The following KIRREL3 variants were observed in gnomAD, a reference collection of about 807,000 sequenced individuals.
The protein encoded by KIRREL3 is kin of IRRE-like protein 3.
A neutral mutation model predicts 89.7 loss-of-function variants in KIRREL3; 36 were observed. The observed-to-expected ratio is 0.40, with a 90% CI of 0.31 to 0.53. The LOEUF is 0.53. Among genes scored for constraint, KIRREL3 ranks in the 20% least tolerant of loss-of-function variants. The probability of loss-of-function intolerance (pLI) is 0.49; values close to 1 mark genes in which losing one functional copy is unlikely to be tolerated. For missense variants in KIRREL3, 864 were observed against 1,056.6 expected (o/e 0.82, Z 2.53); for synonymous variants, 445 against 441.4 (o/e 1.01, Z -0.10).
At position 126,443,541 on chromosome 11, in the gene KIRREL3, G is replaced by T. The variant is rs546854998; in HGVS notation, c.1252+1438C>A. The stretch of plus-strand genomic sequence containing the variant: ...GTGGCTGTGAACGTGCTGGGGTCTG[G>T]GTAGACTCAGCCTCCCTTGGGGGCT... On this transcript the variant is annotated intron_variant, in intron 10 of 16. Transcript: ENST00000525144. The surrounding 1 kb of genome is among the most constrained non-coding windows in gnomAD (Gnocchi z 7.3). Among the ~76,000 whole-genome samples, 1 of 152,012 alleles carries T rather than the reference G, an allele frequency of 6.6e-6. No homozygotes were observed. The highest frequency in any genetic ancestry group is 2.1e-4 in the South Asian group (1 of 4,810).
intron 1 of KIRREL3, among the ~76,000 whole-genome samples, chr11:126,849,254 A>G (rs1944254419): frequency 7.3e-6 from 1 of 137,282 alleles, no homozygotes; most frequent in South Asian, 2.8e-4. Flanking sequence ...TACGAATGCC[A>G]CGGCAATGTC....
chr11:126,478,040 A>T (rs1317046662), intron 4 of KIRREL3, among the ~76,000 whole-genome samples: 1 of 152,238 alleles, frequency 6.6e-6, no homozygotes, highest in Non-Finnish European at 1.5e-5. Context: ...AAGCACCAGC[A>T]CTTACGGCCC....
At position 126,903,453 on chromosome 11, in the gene KIRREL3, T is replaced by C. The variant is rs1332335957; in HGVS notation, c.55+97002A>G. Among the ~76,000 whole-genome samples the C allele has an allele frequency of 6.6e-6, 1 of 152,222 alleles. No homozygotes were observed. The highest frequency in any genetic ancestry group is 1.5e-5 in the Non-Finnish European group (1 of 68,036). ...TGAGGAATTGAATAATTGAGGTTGC[T>C]AATGAATTTGAAAACTCAGCAAAGC... On this transcript the variant is annotated intron_variant, in intron 1 of 16. Transcript: ENST00000525144. The surrounding 1 kb of genome is among the most constrained non-coding windows in gnomAD (Gnocchi z 4.5).
rs1942664686 is a variant in KIRREL3 at position 126,601,728 on chromosome 11, AC to A, written c.56-38817del. On this transcript the variant is annotated intron_variant, in intron 1 of 16. Transcript: ENST00000525144. The surrounding 1 kb of genome is among the most constrained non-coding windows in gnomAD (Gnocchi z 5.8). ...ATGCATCCTGCGGTGCCATTCGCCC[AC>A]CCCGCCTACATTCCTGGACGCCTAT... is the stretch of plus-strand genomic sequence containing the variant. Among the ~76,000 whole-genome samples, 1 of 151,306 alleles carries A rather than the reference AC, an allele frequency of 6.6e-6. No individual in the cohort carries two copies. Among genetic ancestry groups the A allele is most frequent in the Admixed American group, 6.6e-5 (1 of 15,216 alleles).
intron 1 of KIRREL3, among the ~76,000 whole-genome samples, chr11:126,648,182 G>A (rs1944766692): frequency 6.6e-6 from 1 of 152,146 alleles, no homozygotes; most frequent in African/African-American, 2.4e-5. Context: ...CTTCCACCAT[G>A]ATTGTAAGTT....
rs1957662061 is a variant in KIRREL3, at chr11:126,496,586, C to A, written c.434-23120G>T. On this transcript the variant is annotated intron_variant, in intron 4 of 16. Coordinates refer to ENST00000525144, the MANE Select transcript of KIRREL3 (RefSeq NM_032531.4). This position sits in a 1 kb window ranked among gnomAD's most constrained non-coding sequence, Gnocchi z 4.9. ...GTGATGGAGGCAAAGGGAAGGAAGACCACATCCACAGGGTCTTGGGAGGTG... is the reference window on the plus strand; with the variant it reads ...GTGATGGAGGCAAAGGGAAGGAAGAACACATCCACAGGGTCTTGGGAGGTG... Among the ~76,000 whole-genome samples, 1 of 151,986 alleles carries A rather than the reference C, an allele frequency of 6.6e-6. No individual in the cohort carries two copies. Among genetic ancestry groups the A allele is most frequent in the African/African-American group, 2.4e-5 (1 of 41,364 alleles).
Position 126,552,516 on chromosome 11 carries a change from C to T in KIRREL3, c.133+10319G>A, listed in dbSNP as rs141374662. Among the ~76,000 whole-genome samples, 22 of 145,740 alleles carry T rather than the reference C, an allele frequency of 1.5e-4. No individual in the cohort carries two copies. In the East Asian group the frequency reaches 3.1e-3, roughly 21 times the overall value. ...GCACTTGTAGTTGCAGCCCTGGTCC[C>T]GGGATCACTGCATCACACAGGGGAG... On this transcript the variant is annotated intron_variant, in intron 2 of 16. Coordinates refer to ENST00000525144, the MANE Select transcript of KIRREL3 (RefSeq NM_032531.4).
chr11:126,836,173 TGTGA>T (rs1326828900), intron 1 of KIRREL3, among the ~76,000 whole-genome samples: 1 of 152,244 alleles, frequency 6.6e-6, no homozygotes, highest in Non-Finnish European at 1.5e-5. Flanking sequence ...CAGTCAGTTC[TGTGA>T]GTACTTCTCA....
rs1437509371 is a variant in KIRREL3, at chr11:126,614,579, T to G, written c.56-51667A>C. Among the ~76,000 whole-genome samples, 2 of 152,200 alleles carry G rather than the reference T, an allele frequency of 1.3e-5. No individual in the cohort carries two copies. Among genetic ancestry groups the G allele is most frequent in the Admixed American group, 1.3e-4 (2 of 15,284 alleles). On this transcript the variant is annotated intron_variant, in intron 1 of 16. Transcript: ENST00000525144. The surrounding 1 kb of genome is among the most constrained non-coding windows in gnomAD (Gnocchi z 4.6). The stretch of plus-strand genomic sequence containing the variant: ...CTACTAAACACTGCCCAGGTGGTTC[T>G]ATCATCAAGCCAGAGATGAGGACCC...
Position 126,664,111 on chromosome 11 carries a change from A to C in KIRREL3, c.56-101199T>G, listed in dbSNP as rs1945543610. Among the ~76,000 whole-genome samples the C allele has an allele frequency of 1.3e-5, 2 of 152,236 alleles. No individual in the cohort carries two copies. The highest frequency in any genetic ancestry group is 2.4e-5 in the African/African-American group (1 of 41,464). Reference sequence around the variant, plus strand: ...TAATAGAGGCTTAGCTTTTCATTAAAATTTCCATTAATACTGGAGCTGTTT... The same window carrying C: ...TAATAGAGGCTTAGCTTTTCATTAACATTTCCATTAATACTGGAGCTGTTT... On this transcript the variant is annotated intron_variant, in intron 1 of 16. Coordinates refer to ENST00000525144, the MANE Select transcript of KIRREL3 (RefSeq NM_032531.4). This position sits in a 1 kb window ranked among gnomAD's most constrained non-coding sequence, Gnocchi z 5.4.
intron 1 of KIRREL3, among the ~76,000 whole-genome samples, chr11:126,584,375 C>G (rs1941714552): frequency 6.6e-6 from 1 of 152,218 alleles, no homozygotes; most frequent in Non-Finnish European, 1.5e-5. Flanking sequence ...ACTCTTCTGC[C>G]TACTCCTGGA....
chr11:126,582,825 A>G (rs12418378), intron 1 of KIRREL3, among the ~76,000 whole-genome samples: 2 of 134,544 alleles, frequency 1.5e-5, no homozygotes, highest in African/African-American at 5.6e-5. Context: ...AAGAAGTACT[A>G]AAGAAGTATT....
intron 1 of KIRREL3, among the ~76,000 whole-genome samples, chr11:126,577,622 C>T (rs931545198): frequency 3.5e-5 from 5 of 144,224 alleles, no homozygotes; most frequent in African/African-American, 7.7e-5. Flanking sequence ...ATTAGCGGGG[C>T]GTGGTGGCAG....
At position 126,953,710 on chromosome 11, in the gene KIRREL3, A is replaced by G. The variant is rs951800914; in HGVS notation, c.55+46745T>C. Reference sequence around the variant, plus strand: ...TCAAATCGTTCTCCAATTTTTTGCAAAAGAGTAATTCTGACACATTTAAAC... The same window carrying G: ...TCAAATCGTTCTCCAATTTTTTGCAGAAGAGTAATTCTGACACATTTAAAC... On this transcript the variant is annotated intron_variant, in intron 1 of 16. Transcript: ENST00000525144. This position sits in a 1 kb window ranked among gnomAD's most constrained non-coding sequence, Gnocchi z 5.2. Among the ~76,000 whole-genome samples, 1 of 152,164 alleles carries G rather than the reference A, an allele frequency of 6.6e-6. No homozygotes were observed. Among genetic ancestry groups the G allele is most frequent in the Non-Finnish European group, 1.5e-5 (1 of 68,034 alleles).
intron 5 of KIRREL3, among the ~76,000 whole-genome samples, chr11:126,465,946 G>A (rs1956709811): frequency 6.6e-6 from 1 of 152,182 alleles, no homozygotes; most frequent in African/African-American, 2.4e-5. Context: ...CGGGGAGGTG[G>A]TGAGGAGCAG....
intron 1 of KIRREL3, among the ~76,000 whole-genome samples, chr11:126,825,334 A>G (rs1943369506): frequency 6.6e-6 from 1 of 152,238 alleles, no homozygotes; most frequent in South Asian, 2.1e-4. Context: ...TATGAATATA[A>G]AACAAAATAC....
intron 1 of KIRREL3, among the ~76,000 whole-genome samples, chr11:126,832,129 A>C (rs1404827963): frequency 1.3e-5 from 2 of 152,178 alleles, no homozygotes; most frequent in East Asian, 3.9e-4. Flanking sequence ...CCCAGATTCC[A>C]CAACAAGAGG....
intron 4 of KIRREL3, among the ~76,000 whole-genome samples, chr11:126,478,738 T>C (rs1278636459): frequency 1.3e-5 from 2 of 152,036 alleles, no homozygotes; most frequent in Non-Finnish European, 2.9e-5. Flanking sequence ...TATACATGTG[T>C]ATGTAAGTGT....
rs1350905266 is a variant in KIRREL3 at position 126,896,784 on chromosome 11, C to T, written c.55+103671G>A. ...TTCATTCTCACCACGTGTTCCAACT[C>T]TAGAACTATGTAACTGCTCAGATCT... On this transcript the variant is annotated intron_variant, in intron 1 of 16. Coordinates refer to ENST00000525144, the MANE Select transcript of KIRREL3 (RefSeq NM_032531.4). The surrounding 1 kb of genome is among the most constrained non-coding windows in gnomAD (Gnocchi z 4.1). Among the ~76,000 whole-genome samples the T allele has an allele frequency of 6.6e-6, 1 of 152,198 alleles. No individual in the cohort carries two copies. Among genetic ancestry groups the T allele is most frequent in the African/African-American group, 2.4e-5 (1 of 41,456 alleles).
Sources: gnomAD v4.1 joint callset for allele counts (sites outside exome capture counted in the v4.1 genomes callset) on GRCh38, gnomAD v4.1.1 for gene constraint, Gnocchi (gnomAD v3.1) non-coding constraint, MANE v1.5 for transcripts, NCBI Gene and HGNC (gene_info 2026-07-23, HGNC 2026-07-21) for gene names.